Variants in NRG1 observed in about 807,000 individuals in gnomAD.
The protein encoded by NRG1 is neuregulin 1.
A neutral mutation model predicts 63.8 loss-of-function variants in NRG1; 18 were observed. The ratio of observed to expected loss-of-function variants is 0.28; its 90% CI spans 0.19 to 0.42. The LOEUF (loss-of-function observed/expected upper bound fraction) is 0.42. NRG1 is among the 10% of genes least tolerant of loss of function. The probability of loss-of-function intolerance (pLI) is 1.00; values close to 1 mark genes in which losing one functional copy is unlikely to be tolerated. For missense variants in NRG1, 762 were observed against 814.7 expected, an observed-to-expected ratio of 0.94 and a Z score of 0.79; for synonymous variants, 302 against 301.3, an observed-to-expected ratio of 1.00 and a Z score of -0.02.
intron 1 of NRG1, among the ~76,000 whole-genome samples, chr8:31,718,361 C>T (rs183980172): frequency 7.0e-4 from 107 of 152,226 alleles, no homozygotes; most frequent in Non-Finnish European, 1.0e-4. Context: ...TGGATTCGTT[C>T]GTATCAGGCA....
At chr8:32,463,817 G>A (rs1012587905) in intron 1 of NRG1, among the ~76,000 whole-genome samples, 2 of 146,198 alleles carry the variant, frequency 1.4e-5, no homozygotes, top group Non-Finnish European at 3.0e-5. Flanking sequence ...CTCTAGCCTG[G>A]GTAACAAAGC....
At chr8:32,460,173 A>T (rs1271351040) in intron 1 of NRG1, among the ~76,000 whole-genome samples, 5 of 152,370 alleles carry the variant, frequency 3.3e-5, no homozygotes, top group African/African-American at 4.8e-5. Flanking sequence ...AATAAACATA[A>T]GAGTGAATGA....
At chr8:32,480,997 T>G (rs1005081654) in intron 1 of NRG1, among the ~76,000 whole-genome samples, 1 of 152,160 alleles carries the variant, frequency 6.6e-6, no homozygotes, top group Non-Finnish European at 1.5e-5. Flanking sequence ...TGCATCACAT[T>G]GTGCCCTATA....
chr8:32,375,575 G>A (rs1472829817), intron 1 of NRG1, among the ~76,000 whole-genome samples: 2 of 151,390 alleles, frequency 1.3e-5, no homozygotes, highest in East Asian at 3.9e-4. Context: ...TGGCCAAGGT[G>A]GTGATGAGAG....
intron 1 of NRG1, among the ~76,000 whole-genome samples, chr8:32,203,465 C>A (rs1369740921): frequency 6.6e-6 from 1 of 151,784 alleles, no homozygotes; most frequent in Non-Finnish European, 1.5e-5. Flanking sequence ...CCTCTGTCTC[C>A]CAGCTTCAAG....
At chr8:32,311,565 G>A (rs1563300829) in intron 1 of NRG1, among the ~76,000 whole-genome samples, 2 of 152,148 alleles carry the variant, frequency 1.3e-5, no homozygotes, top group Non-Finnish European at 2.9e-5. Context: ...CCCAGCAAAA[G>A]TCACACTTAG....
intron 1 of NRG1, among the ~76,000 whole-genome samples, chr8:32,125,298 T>C (rs547919034): frequency 1.3e-5 from 2 of 151,954 alleles, no homozygotes; most frequent in African/African-American, 4.8e-5. Context: ...TTTCATCACT[T>C]GGCAGAGGTC....
At chr8:31,937,797 C>T (rs1310783102) in intron 1 of NRG1, among the ~76,000 whole-genome samples, 8 of 152,064 alleles carry the variant, frequency 5.3e-5, no homozygotes, top group African/African-American at 1.4e-4. Flanking sequence ...CAGCCATAAT[C>T]CCCCTGGGAA....
intron 1 of NRG1, among the ~76,000 whole-genome samples, chr8:32,008,410 C>A (rs764584448): frequency 6.6e-6 from 1 of 151,982 alleles, no homozygotes; most frequent in Non-Finnish European, 1.5e-5. Context: ...GAAAGCACTT[C>A]TTCTTTGCCA....
chr8:32,182,143 C>G (rs16878943), intron 1 of NRG1, among the ~76,000 whole-genome samples: 4,409 of 152,130 alleles, frequency 0.029, 187 homozygotes, highest in African/African-American at 0.1. Context: ...TGGGCACAGC[C>G]TCTGATGAAT....
At chr8:31,979,813 A>G (rs1388734322) in intron 1 of NRG1, among the ~76,000 whole-genome samples, 1 of 152,128 alleles carries the variant, frequency 6.6e-6, no homozygotes, top group African/African-American at 2.4e-5. Flanking sequence ...AAATATAGGC[A>G]AGAACTTAAT....
In NRG1 at chr8:32,372,732, A is replaced by G. The variant is rs373640388; in HGVS notation, c.38-223096A>G. Among the ~76,000 whole-genome samples the G allele has an allele frequency of 3.9e-5, 6 of 152,322 alleles. No homozygotes were observed. The East Asian group carries it at 7.7e-4, about 20-fold the overall frequency. ...GCCCTCCCAACTTTCACTTCCTACT[A>G]GAATAGCAAGACACACTCTGCCTCC... On this transcript the variant is annotated intron_variant, in intron 1 of 10. Transcript: ENST00000519301.
chr8:31,950,253 G>C (rs1803255961), intron 1 of NRG1, among the ~76,000 whole-genome samples: 1 of 152,206 alleles, frequency 6.6e-6, no homozygotes, highest in African/African-American at 2.4e-5. Context: ...AGAATTAAGA[G>C]TTACAAATGC....
At chr8:32,731,988 T>G (rs1823786169) in intron 6 of NRG1, among the ~76,000 whole-genome samples, 1 of 152,194 alleles carries the variant, frequency 6.6e-6, no homozygotes, top group African/African-American at 2.4e-5. Context: ...TTCTTGGGAG[T>G]TGAAGTAGAA....
chr8:32,543,733 ATGT>A (rs753497593), upstream of NRG1, among the ~76,000 whole-genome samples: 4 of 152,234 alleles, frequency 2.6e-5, no homozygotes, highest in South Asian at 6.2e-4. Context: ...TTTGATTTTA[ATGT>A]TGTTTGAACA....
intron 1 of NRG1, among the ~76,000 whole-genome samples, chr8:31,770,770 C>CAT (rs4036035): frequency 0.18 from 25,768 of 139,968 alleles, 2,658 homozygotes; most frequent in Non-Finnish European, 0.24. Flanking sequence ...GTATAATAAA[C>CAT]ATATATATAT....
Position 31,639,786 on chromosome 8 carries a change from T to C in NRG1, c.37+355T>C, listed in dbSNP as rs1047254466. 76 of 1,280,614 alleles carry C rather than the reference T, an allele frequency of 5.9e-5. No individual in the cohort carries two copies. The African/African-American group carries it at 1.1e-3, about 19-fold the overall frequency. The allele number at this position is 1,280,614 out of a possible 1,614,324, so 79.3% of individuals were successfully genotyped here. A position where few individuals can be genotyped will look rare whatever the true frequency, so the allele number is the denominator to read the frequency against. On this transcript the variant is annotated intron_variant, in intron 1 of 10. Transcript: ENST00000519301. ...TTGCCCTTATACCTCTTCGCCTTTC[T>C]GTGGTTCCATCCACTTCTTCCCCCT...
rs193000304 is a variant in NRG1, at chr8:32,622,132, G to C, written c.502+5247G>C. On this transcript the variant is annotated intron_variant, in intron 5 of 11. Transcript: ENST00000356819. Reference sequence around the variant, plus strand: ...AAATACTAATGCTGAGGACAATCGCGGTGGCTCATGCTTGTAATCCTAGCA... The same window carrying C: ...AAATACTAATGCTGAGGACAATCGCCGTGGCTCATGCTTGTAATCCTAGCA... Among the ~76,000 whole-genome samples the C allele has an allele frequency of 8.6e-3, 1,308 of 152,186 alleles. 4 individuals carry two copies. The highest frequency in any genetic ancestry group is 0.037 in the Middle Eastern group (11 of 294).
At chr8:31,908,839 T>G (rs995650308) in intron 1 of NRG1, among the ~76,000 whole-genome samples, 1 of 152,166 alleles carries the variant, frequency 6.6e-6, no homozygotes, top group Non-Finnish European at 1.5e-5. Context: ...CCAGATAAAT[T>G]TTCCAGAATA....
Sources: allele counts gnomAD v4.1 joint callset (sites outside exome capture counted in the v4.1 genomes callset), GRCh38; gene constraint gnomAD v4.1.1; transcripts MANE v1.5; gene names NCBI Gene and HGNC (gene_info 2026-07-23, HGNC 2026-07-21).